HSPD1: variants seen among roughly 807,000 people sequenced by gnomAD.
The protein encoded by HSPD1 is heat shock protein family D (Hsp60) member 1, also known as 60 kDa heat shock protein, mitochondrial.
HSPD1 carries 3 observed loss-of-function variants against 53.0 expected under a neutral mutation model. That is an observed-to-expected ratio of 0.06 (90% CI 0.03 to 0.15). The LOEUF (loss-of-function observed/expected upper bound fraction) is 0.15, where lower values mean the gene tolerates loss of function less well. Among genes scored for constraint, HSPD1 ranks in the 10% least tolerant of loss-of-function variants. The probability of loss-of-function intolerance (pLI) is 1.00; values close to 1 mark genes in which losing one functional copy is unlikely to be tolerated. For synonymous variants in HSPD1, 200 were observed against 228.0 expected, an observed-to-expected ratio of 0.88 and a Z score of 1.10; for missense variants, 431 against 694.1, an observed-to-expected ratio of 0.62 and a Z score of 4.26.
At chr2:197,492,543 T>A (rs1219817801) in intron 7 of HSPD1, among the ~76,000 whole-genome samples, 3 of 151,812 alleles carry the variant, frequency 2.0e-5, no homozygotes, top group Non-Finnish European at 4.4e-5. Context: ...AAAATAATAT[T>A]CTGAAAATTT....
intron 6 of HSPD1, 52 bp downstream of exon 6, chr2:197,494,105 T>A (rs1260343149): frequency 2.2e-6 from 2 of 906,088 alleles, no homozygotes; most frequent in Non-Finnish European, 3.6e-6. Context: ...AGAATGAGAC[T>A]CTGTCTAAAA....
At chr2:197,488,594 C>T (rs1257834225) in intron 9 of HSPD1, 103 bp from the exon 10 acceptor site, 8 of 1,056,646 alleles carry the variant, frequency 7.6e-6, no homozygotes, top group East Asian at 2.4e-5. Flanking sequence ...CTGAGGTGGG[C>T]GTGGTGGCTC....
At chr2:197,490,990 T>C (rs1267684165) in intron 7 of HSPD1, among the ~76,000 whole-genome samples, 1 of 152,198 alleles carries the variant, frequency 6.6e-6, no homozygotes, top group Non-Finnish European at 1.5e-5. Flanking sequence ...CAAATGTCCA[T>C]TTGAGAGCAG....
Position 197,489,068 on chromosome 2 carries a change from A to C in HSPD1, c.1149T>G (p.Ser383Arg). ...EIIEQLDVTT[S>R]EYEKEKLNER... The stretch of plus-strand genomic sequence containing the variant: ...CATTCAGTTTTTCCTTTTCATATTC[A>C]CTAGTTGTGACATCTAACTGCTCAA... Residue 383 changes from serine (S) to arginine (R), a missense_variant, in exon 9 of 12, where the codon AGT becomes AGG. This residue lies in a region of HSPD1 where 386 missense variants were observed against 657.6 expected (regional missense o/e 0.59). Coordinates refer to ENST00000388968, the MANE Select transcript of HSPD1 (RefSeq NM_002156.5). The C allele has an allele frequency of 6.2e-7, 1 of 1,613,690 alleles. No individual in the cohort carries two copies. Among genetic ancestry groups the C allele is most frequent in the Non-Finnish European group, 8.5e-7 (1 of 1,179,712 alleles).
chr2:197,499,701 C>G (rs2086217802), intron 1 of HSPD1, 81 bp downstream of exon 1: 1 of 151,984 alleles, frequency 6.6e-6, no homozygotes, highest in Non-Finnish European at 1.5e-5. Flanking sequence ...CCGCCCGCAC[C>G]CTCCAGCTGG....
In HSPD1 at chr2:197,493,320, T is replaced by C. The variant is rs749804768; in HGVS notation, c.869+4A>G. ...ATAAATCAACAAATACCACTGCTTA[T>C]TACCTATTCAAGACGAGTGTACTTA... On this transcript the variant is annotated splice_donor_region_variant and intron_variant, in intron 7 of 11. Transcript: ENST00000388968. 1.1e-5 allele frequency: 17 copies of C among 1,610,282 alleles called. No homozygotes were observed. Among genetic ancestry groups the C allele is most frequent in the Middle Eastern group, 1.7e-4 (1 of 6,024 alleles).
chr2:197,497,552 G>A (rs1441978356), intron 2 of HSPD1, 160 bp from the exon 3 acceptor site: 4 of 688,786 alleles, frequency 5.8e-6, no homozygotes, highest in Admixed American at 2.5e-5. Context: ...CAAGTTTATC[G>A]ACATTCTTTG....
At chr2:197,492,651 C>T (rs754179470) in intron 7 of HSPD1, among the ~76,000 whole-genome samples, 1 of 150,574 alleles carries the variant, frequency 6.6e-6, no homozygotes, top group Non-Finnish European at 1.5e-5. Context: ...TGAGATTGAG[C>T]CACTGCACTA....
intron 7 of HSPD1, among the ~76,000 whole-genome samples, chr2:197,491,573 T>C (rs1426303761): frequency 6.6e-6 from 1 of 152,216 alleles, no homozygotes; most frequent in Non-Finnish European, 1.5e-5. Context: ...GTCTAAAACG[T>C]ACCTGTTAAT....
intron 7 of HSPD1, among the ~76,000 whole-genome samples, chr2:197,491,785 T>C (rs536558703): frequency 3.3e-4 from 51 of 152,330 alleles, no homozygotes; most frequent in African/African-American, 1.2e-3. Flanking sequence ...CACCTTATTT[T>C]AGATTGGGTG....
chr2:197,496,378 T>C (rs2086157060), intron 3 of HSPD1, among the ~76,000 whole-genome samples: 4 of 152,160 alleles, frequency 2.6e-5, no homozygotes, highest in Non-Finnish European at 5.9e-5. Flanking sequence ...AACACTGAAA[T>C]AGATGAGGTA....
In HSPD1 at chr2:197,499,079, G is replaced by C. The variant is rs1479563001; in HGVS notation, c.-2-229C>G. On this transcript the variant is annotated intron_variant, in intron 1 of 11. Transcript: ENST00000388968. ...GCCTGACCTATAGCACCAGCACAAA[G>C]CACATGCGGCTCCTTCCCCACGGCC... The C allele has an allele frequency of 1.7e-5, 10 of 591,480 alleles. No homozygotes were observed. The East Asian group carries it at 2.9e-4, about 17-fold the overall frequency. The allele number at this position is 591,480 out of a possible 1,614,324, so 36.6% of individuals were successfully genotyped here.
intron 6 of HSPD1, 49 bp downstream of exon 6, chr2:197,494,108 G>A (rs760923010): frequency 1.1e-6 from 1 of 929,764 alleles, no homozygotes; most frequent in South Asian, 1.3e-5. Flanking sequence ...ATGAGACTCT[G>A]TCTAAAATAA....
intron 11 of HSPD1, 144 bp from the exon 12 acceptor site, chr2:197,487,342 T>C (rs917109894): frequency 2.8e-6 from 2 of 722,474 alleles, no homozygotes; most frequent in African/African-American, 3.6e-5. Flanking sequence ...AGGTTAGGAG[T>C]TCAAGACCAG....
intron 10 of HSPD1, 135 bp downstream of exon 10, chr2:197,488,182 A>G: frequency 1.0e-6 from 1 of 999,656 alleles, no homozygotes; most frequent in Non-Finnish European, 1.6e-6. Context: ...ATGCATGTTT[A>G]GCTCTGACAT....
At chr2:197,491,614 G>A (rs2086093456) in intron 7 of HSPD1, among the ~76,000 whole-genome samples, 1 of 152,280 alleles carries the variant, frequency 6.6e-6, no homozygotes, top group East Asian at 1.9e-4. Context: ...AAAATGGAAA[G>A]AAAAGTCTTG....
intron 7 of HSPD1, among the ~76,000 whole-genome samples, chr2:197,492,519 T>A (rs2086105956): frequency 6.6e-6 from 1 of 152,014 alleles, no homozygotes; most frequent in African/African-American, 2.4e-5. Context: ...GTTGTTTACT[T>A]CCCTGTTCTA....
chr2:197,497,494 A>G (rs2086173359), intron 2 of HSPD1, 102 bp from the exon 3 acceptor site: 6 of 1,197,766 alleles, frequency 5.0e-6, no homozygotes, highest in Non-Finnish European at 6.2e-6. Context: ...CAAAGTCTCA[A>G]CGTAAGTTGT....
At chr2:197,494,353 C>T in intron 5 of HSPD1, 103 bp from the exon 6 acceptor site, 1 of 738,278 alleles carries the variant, frequency 1.4e-6, no homozygotes, top group South Asian at 1.5e-5. Context: ...ATAAGAGATG[C>T]AGGGTAGAGT....
Sources: gnomAD v4.1 joint callset for allele counts (sites outside exome capture counted in the v4.1 genomes callset) on GRCh38, gnomAD v4.1.1 for gene constraint, gnomAD v4.1.1 regional missense constraint, MANE v1.5 for transcripts, NCBI Gene and HGNC (gene_info 2026-07-23, HGNC 2026-07-21) for gene names.